Variants in PLCB1 observed in about 807,000 individuals in gnomAD.
PLCB1 encodes the protein phospholipase C beta 1, also known as 1-phosphatidylinositol 4,5-bisphosphate phosphodiesterase beta-1.
A neutral mutation model predicts 161.8 loss-of-function variants in PLCB1; 46 were observed. The observed-to-expected ratio is 0.28, with a 90% CI of 0.22 to 0.36. PLCB1 has a LOEUF of 0.36. Ranked by LOEUF, PLCB1 falls within the 10% of genes least tolerant of loss-of-function variation. The pLI, the probability that PLCB1 is intolerant of heterozygous loss-of-function variation, is 1.00. For missense variants in PLCB1, 1,016 were observed against 1,472.5 expected (o/e 0.69, Z 5.07); for synonymous variants, 517 against 503.7 (o/e 1.03, Z -0.35).
chr20:8,320,815 AAGGG>A (rs1422371027), intron 2 of PLCB1, among the ~76,000 whole-genome samples: 28 of 138,228 alleles, frequency 2.0e-4, no homozygotes, highest in African/African-American at 6.7e-4. Context: ...GAAAGAAAGA[AAGGG>A]AGGGAGGGAG....
chr20:8,634,023 T>C (rs1192558340), intron 4 of PLCB1, among the ~76,000 whole-genome samples: 1 of 152,226 alleles, frequency 6.6e-6, no homozygotes, highest in Non-Finnish European at 1.5e-5. Flanking sequence ...ATGGGCATTC[T>C]TGTAGTTGTA....
At chr20:8,283,789 T>A (rs1360688229) in intron 2 of PLCB1, among the ~76,000 whole-genome samples, 1 of 152,048 alleles carries the variant, frequency 6.6e-6, no homozygotes, top group Non-Finnish European at 1.5e-5. Context: ...AGTTAACAAA[T>A]GGCCTCTTAT....
chr20:8,344,162 A>G (rs1012446446), intron 2 of PLCB1, among the ~76,000 whole-genome samples: 10 of 151,996 alleles, frequency 6.6e-5, no homozygotes, highest in Non-Finnish European at 1.2e-4. Flanking sequence ...TTGTTGGGGG[A>G]TCTTAGTCCT....
At chr20:8,202,322 T>C (rs1397185025) in intron 2 of PLCB1, among the ~76,000 whole-genome samples, 1 of 152,246 alleles carries the variant, frequency 6.6e-6, no homozygotes, top group South Asian at 2.1e-4. Flanking sequence ...GTGATCCGCT[T>C]ACCTCCGCCT....
intron 2 of PLCB1, among the ~76,000 whole-genome samples, chr20:8,352,090 G>A (rs1986198564): frequency 6.6e-6 from 1 of 152,114 alleles, no homozygotes; most frequent in Non-Finnish European, 1.5e-5. Context: ...AAGCCACCAC[G>A]ATATCCTTCA....
chr20:8,263,172 T>C (rs1243726157), intron 2 of PLCB1, among the ~76,000 whole-genome samples: 2 of 148,490 alleles, frequency 1.3e-5, no homozygotes, highest in Non-Finnish European at 3.0e-5. Flanking sequence ...TTAATATCTA[T>C]AGTACCAAAA....
At chr20:8,595,347 G>A (rs1160355337) in intron 3 of PLCB1, among the ~76,000 whole-genome samples, 5 of 144,332 alleles carry the variant, frequency 3.5e-5, no homozygotes, top group East Asian at 2.1e-4. Flanking sequence ...GAGAATATGC[G>A]GTGTTTGGTT....
chr20:8,665,121 C>T (rs1445030683), intron 9 of PLCB1, among the ~76,000 whole-genome samples: 6 of 152,184 alleles, frequency 3.9e-5, no homozygotes, highest in Non-Finnish European at 1.5e-5. Context: ...GAATAGTGGT[C>T]TCTTGGCAAA....
rs1481661545 is a variant in PLCB1 at position 8,305,750 on chromosome 20, A to G, written c.178-65632A>G. The G allele has an allele frequency of 2.0e-5, 3 of 152,148 alleles. No homozygotes were observed. In the East Asian group the frequency reaches 5.8e-4, roughly 29 times the overall value. The allele number at this position is 152,148 out of a possible 1,614,324, so 9.4% of individuals were successfully genotyped here. A position where few individuals can be genotyped will look rare whatever the true frequency, so the allele number is the denominator to read the frequency against. On this transcript the variant is annotated intron_variant, in intron 2 of 31. Coordinates refer to ENST00000338037, the MANE Select transcript of PLCB1 (RefSeq NM_015192.4). The stretch of plus-strand genomic sequence containing the variant: ...TGAACCCCTATAAACCTTGCTATTT[A>G]TATCTCTTCCTCAACTCTGAGGCCC...
intron 14 of PLCB1, among the ~76,000 whole-genome samples, chr20:8,720,974 A>G (rs1046195899): frequency 5.3e-4 from 81 of 152,192 alleles, no homozygotes; most frequent in African/African-American, 1.9e-3. Context: ...TTCTATCCAA[A>G]ATATAATCGA....
intron 3 of PLCB1, among the ~76,000 whole-genome samples, chr20:8,500,757 G>A (rs1983372495): frequency 6.6e-6 from 1 of 151,994 alleles, no homozygotes; most frequent in Admixed American, 6.6e-5. Flanking sequence ...ATGTTAGCTT[G>A]CCTCGAATCA....
intron 2 of PLCB1, among the ~76,000 whole-genome samples, chr20:8,285,012 T>C (rs750458594): frequency 6.6e-6 from 1 of 151,408 alleles, no homozygotes; most frequent in Non-Finnish European, 1.5e-5. Flanking sequence ...AATATTGTTA[T>C]GGTATTTTTA....
chr20:8,559,226 AT>A (rs1360726446), intron 3 of PLCB1, among the ~76,000 whole-genome samples: 5 of 151,962 alleles, frequency 3.3e-5, no homozygotes, highest in Admixed American at 3.3e-4. Context: ...GAGCAAAGTA[AT>A]TGTATACTCT....
intron 11 of PLCB1, among the ~76,000 whole-genome samples, chr20:8,705,936 G>A (rs1332503352): frequency 6.6e-6 from 1 of 152,200 alleles, no homozygotes; most frequent in Non-Finnish European, 1.5e-5. Context: ...ATGTTTAGGA[G>A]CAATGACTCT....
rs574001179 is a variant in PLCB1, at chr20:8,193,297, C to T, written c.177+42926C>T. Among the ~76,000 whole-genome samples the T allele has an allele frequency of 2.8e-3, 420 of 151,748 alleles. 2 individuals carry two copies. Among genetic ancestry groups the T allele is most frequent in the Non-Finnish European group, 5.1e-3 (348 of 67,898 alleles). ...TGTATCTTACGGAATTACTTCTGTA[C>T]GATGCATAAAAAGCAGAATATTAAA... On this transcript the variant is annotated intron_variant, in intron 2 of 31. Transcript: ENST00000338037.
At chr20:8,707,569 C>T (rs1415386259) in intron 11 of PLCB1, among the ~76,000 whole-genome samples, 3 of 152,056 alleles carry the variant, frequency 2.0e-5, no homozygotes, top group Non-Finnish European at 4.4e-5. Context: ...TCTGGGCAAT[C>T]TAAAGTGAAA....
intron 3 of PLCB1, among the ~76,000 whole-genome samples, chr20:8,522,885 TG>T (rs11476593): frequency 0.15 from 22,321 of 152,066 alleles, 2,227 homozygotes; most frequent in African/African-American, 0.28. Context: ...AGAAAGTTGG[TG>T]GGGTGGGATG....
chr20:8,510,033 A>T (rs960264524), intron 3 of PLCB1, among the ~76,000 whole-genome samples: 4 of 152,216 alleles, frequency 2.6e-5, no homozygotes, highest in South Asian at 2.1e-4. Flanking sequence ...ATTATAATTT[A>T]TGACCAACAG....
At chr20:8,609,423 A>G (rs1189693856) in intron 3 of PLCB1, among the ~76,000 whole-genome samples, 3 of 152,208 alleles carry the variant, frequency 2.0e-5, no homozygotes, top group Non-Finnish European at 4.4e-5. Context: ...TAAGAGAGTT[A>G]AGAATTAAAA....
Sources: gnomAD v4.1 joint callset for allele counts (sites outside exome capture counted in the v4.1 genomes callset) on GRCh38, gnomAD v4.1.1 for gene constraint, MANE v1.5 for transcripts, NCBI Gene and HGNC (gene_info 2026-07-23, HGNC 2026-07-21) for gene names.